The following RRP1 variants were observed in gnomAD, a reference collection of about 807,000 sequenced individuals.
The protein encoded by RRP1 is ribosomal RNA processing 1.
A neutral mutation model predicts 54.6 loss-of-function variants in RRP1; 37 were observed. That is an observed-to-expected ratio of 0.68 (90% CI 0.52 to 0.89). The LOEUF is 0.89. Ranked by LOEUF, RRP1 falls within the 40% of genes least tolerant of loss-of-function variation. The probability of loss-of-function intolerance (pLI) is 0.00; values close to 1 mark genes in which losing one functional copy is unlikely to be tolerated. For synonymous variants in RRP1, 262 were observed against 244.3 expected (o/e 1.07, Z -0.67); for missense variants, 639 against 612.5 (o/e 1.04, Z -0.46).
At chr21:43,803,225 C>T (rs565365689) in intron 12 of RRP1, among the ~76,000 whole-genome samples, 1 of 152,246 alleles carries the variant, frequency 6.6e-6, no homozygotes, top group Admixed American at 6.5e-5. Flanking sequence ...GTTCTTCCAC[C>T]TCCCCTTCTG....
chr21:43,793,489 G>T, intron 4 of RRP1, 85 bp downstream of exon 4: 1 of 1,192,550 alleles, frequency 8.4e-7, no homozygotes. Context: ...ACCTGGGCAG[G>T]GAGGCAACCT....
At position 43,797,524 on chromosome 21, in the gene RRP1, G is replaced by A. The variant is rs759661884; in HGVS notation, c.525G>A (p.Glu175=). ...GCCACTTCATCGAGATCTTCCTGGA[G>A]GAGCTGACCAAAGTGGGCGCCGAGG... is the stretch of plus-strand genomic sequence containing the variant. ...VKSHFIEIFL[E]ELTKVGAEEL... The change falls in exon 6 of 13, where the codon GAG becomes GAA. Residue 175 remains glutamate (E), a synonymous_variant. Transcript: ENST00000497547. 6.2e-7 allele frequency: 1 copy of A among 1,614,072 alleles called. No homozygotes were observed.
Position 43,803,545 on chromosome 21 carries a change from T to C in RRP1, c.1157T>C (p.Met386Thr). 1.9e-6 allele frequency: 3 copies of C among 1,556,954 alleles called. No individual in the cohort carries two copies. Among genetic ancestry groups the C allele is most frequent in the Non-Finnish European group, 1.7e-6 (2 of 1,150,160 alleles). ...KGEKEPPSPG[M>T]ERKRSRRRGV... ...GAGAAGGAGCCCCCGAGCCCGGGCATGGAGAGGAAGAGGAGCAGGAGGAGG... is the reference window on the plus strand; with the variant it reads ...GAGAAGGAGCCCCCGAGCCCGGGCACGGAGAGGAAGAGGAGCAGGAGGAGG... The change falls in exon 13 of 13, where the codon ATG becomes ACG. Residue 386 changes from methionine (M) to threonine (T), a missense_variant. Coordinates refer to ENST00000497547, the MANE Select transcript of RRP1 (RefSeq NM_003683.6).
At chr21:43,797,743 T>C in intron 7 of RRP1, 48 bp downstream of exon 7, 1 of 1,604,164 alleles carries the variant, frequency 6.2e-7, no homozygotes, top group Non-Finnish European at 8.5e-7. Flanking sequence ...ACTGAGTTCT[T>C]CCATGGGGCT....
intron 1 of RRP1, chr21:43,791,085 G>T: frequency 3.5e-6 from 2 of 577,222 alleles, no homozygotes; most frequent in Non-Finnish European, 6.5e-6. Flanking sequence ...CCAAAATGGA[G>T]TATGGTGCCT....
chr21:43,798,518 G>T (rs573996077), intron 8 of RRP1, among the ~76,000 whole-genome samples: 2 of 152,280 alleles, frequency 1.3e-5, no homozygotes, highest in East Asian at 1.9e-4. Context: ...CTGTGGCACG[G>T]GATGTGAATC....
At chr21:43,800,383 G>A in intron 9 of RRP1, 134 bp from the exon 10 acceptor site, 1 of 731,822 alleles carries the variant, frequency 1.4e-6, no homozygotes, top group Non-Finnish European at 2.3e-6. Flanking sequence ...AGTGAGGGTG[G>A]GCTGTGTTCC....
intron 12 of RRP1, 44 bp downstream of exon 12, chr21:43,802,431 C>A: frequency 6.7e-7 from 1 of 1,501,256 alleles, no homozygotes; most frequent in Non-Finnish European, 9.3e-7. Context: ...GCGTCCTCAC[C>A]TGCTTGCTTC....
chr21:43,792,582 AGTGAGTGG>A, intron 2 of RRP1, 82 bp from the exon 3 acceptor site: 1 of 1,240,040 alleles, frequency 8.1e-7, no homozygotes, highest in Non-Finnish European at 1.2e-6. Flanking sequence ...TGAGTGAGTG[AGTGAGTGG>A]GTGAGTGGGT....
rs762594727 is a variant in RRP1, at chr21:43,797,974, A to G, written c.685A>G (p.Ile229Val). 1 of 1,614,140 alleles carries G rather than the reference A, an allele frequency of 6.2e-7. No homozygotes were observed. The change falls in exon 8 of 13, where the codon ATT (isoleucine) becomes GTT (valine). Residue 229 changes from isoleucine (I) to valine (V), a missense_variant. Physicochemically the swap from Ile to Val is conservative, Grantham distance 29 (BLOSUM62 3). Transcript: ENST00000497547. ...ETIVEQAPLAIEDLLNELDTQ... is the reference protein window; with the variant it reads ...ETIVEQAPLAVEDLLNELDTQ... ...GATTGTGGAGCAGGCCCCGCTTGCC[A>G]TTGAAGACCTCCTGAATGAACTGGA...
rs1033005423 is a variant in RRP1, at chr21:43,800,609, C to T, written c.984C>T (p.Ile328=). The change falls in exon 10 of 13, where the codon ATC becomes ATT. Residue 328 remains isoleucine (I), a synonymous_variant. Coordinates refer to ENST00000497547, the MANE Select transcript of RRP1 (RefSeq NM_003683.6). Reference sequence around the variant, plus strand: ...ACAGAAAGCGTCTCTACAAAGTGATCCGGAAGTGAGTGTGTGAGGGCGCTG... The same window carrying T: ...ACAGAAAGCGTCTCTACAAAGTGATTCGGAAGTGAGTGTGTGAGGGCGCTG... ...SQNRKRLYKV[I]RKLQDLAGGI... 3.1e-6 allele frequency: 5 copies of T among 1,614,130 alleles called. No individual in the cohort carries two copies. Among genetic ancestry groups the T allele is most frequent in the Non-Finnish European group, 3.4e-6 (4 of 1,179,940 alleles).
intron 11 of RRP1, among the ~76,000 whole-genome samples, chr21:43,801,545 C>G (rs1453873481): frequency 3.9e-5 from 6 of 152,224 alleles, no homozygotes; most frequent in African/African-American, 1.4e-4. Flanking sequence ...TGTGATGCAG[C>G]TCACTGCAGC....
chr21:43,798,915 G>A (rs1465395236), intron 8 of RRP1, among the ~76,000 whole-genome samples: 2 of 55,550 alleles, frequency 3.6e-5, no homozygotes, highest in Admixed American at 1.9e-4. Flanking sequence ...CCTCCCCACC[G>A]CCCCCAGCAC....
At chr21:43,799,449 G>A (rs1406854452) in intron 8 of RRP1, 121 bp from the exon 9 acceptor site, 1 of 1,017,610 alleles carries the variant, frequency 9.8e-7, no homozygotes, top group African/African-American at 1.6e-5. Flanking sequence ...CCGTTCCCGG[G>A]TGTTTCCCGC....
In RRP1 at chr21:43,793,418, C is replaced by T. The variant is rs377522982; in HGVS notation, c.360+14C>T. 4 of 1,609,260 alleles carry T rather than the reference C, an allele frequency of 2.5e-6. No homozygotes were observed. Among genetic ancestry groups the T allele is most frequent in the African/African-American group, 2.7e-5 (2 of 74,880 alleles). On this transcript the variant is annotated intron_variant, in intron 4 of 12. Coordinates refer to ENST00000497547, the MANE Select transcript of RRP1 (RefSeq NM_003683.6). ...AAATTCTACATGGTGAGGCAGCCAC[C>T]AGGGTGCCGGCGGGCGGGGGCAGCG...
Position 43,795,170 on chromosome 21 carries a change from A to G in RRP1, c.361-19A>G, listed in dbSNP as rs2838372. On this transcript the variant is annotated intron_variant, in intron 4 of 12. Coordinates refer to ENST00000497547, the MANE Select transcript of RRP1 (RefSeq NM_003683.6). ...TAGGGCTGGGCTTCTGCTAATGCCA[A>G]CCTCCTTCTGTGTCAAAGCTCATGC... The G allele has an allele frequency of 0.28, 454,580 of 1,609,040 alleles. 68,672 individuals carry two copies. The highest frequency in any genetic ancestry group is 0.57 in the East Asian group (25,336 of 44,816).
intron 2 of RRP1, 102 bp downstream of exon 2, chr21:43,791,534 C>T (rs2084958649): frequency 1.9e-6 from 2 of 1,063,490 alleles, no homozygotes; most frequent in East Asian, 2.6e-5. Context: ...CGGAGTTTCG[C>T]TCTTGTTGCC....
In RRP1 at chr21:43,803,530, C is replaced by T. The variant is rs1311260260; in HGVS notation, c.1142C>T (p.Pro381Leu). Residue 381 changes from proline (P) to leucine (L), a missense_variant, in exon 13 of 13, where the codon CCC becomes CTC. Pro to Leu is a moderately conservative substitution (Grantham distance 98). Coordinates refer to ENST00000497547, the MANE Select transcript of RRP1 (RefSeq NM_003683.6). Reference protein sequence around the residue: ...QQERGKGEKEPPSPGMERKRS... With the variant: ...QQERGKGEKELPSPGMERKRS... Reference sequence around the variant, plus strand: ...TTGTCAGGGAAAGGTGAGAAGGAGCCCCCGAGCCCGGGCATGGAGAGGAAG... The same window carrying T: ...TTGTCAGGGAAAGGTGAGAAGGAGCTCCCGAGCCCGGGCATGGAGAGGAAG... 1 of 1,556,986 alleles carries T rather than the reference C, an allele frequency of 6.4e-7. No homozygotes were observed. The highest frequency in any genetic ancestry group is 8.7e-7 in the Non-Finnish European group (1 of 1,149,592).
intron 3 of RRP1, 168 bp from the exon 4 acceptor site, chr21:43,793,151 C>T (rs1319926419): frequency 3.1e-6 from 2 of 641,676 alleles, no homozygotes; most frequent in East Asian, 5.4e-5. Context: ...TAAAAATCCT[C>T]ATGTCCAGAT....
Sources: allele counts gnomAD v4.1 joint callset (sites outside exome capture counted in the v4.1 genomes callset), GRCh38; gene constraint gnomAD v4.1.1; transcripts MANE v1.5; gene names NCBI Gene and HGNC (gene_info 2026-07-23, HGNC 2026-07-21).